Variants in PLB1 observed in about 807,000 individuals in gnomAD.
The protein encoded by PLB1 is phospholipase B1.
Under a neutral mutation model 227.4 loss-of-function variants are expected in PLB1, and 242 were observed. That is an observed-to-expected ratio of 1.06 (90% confidence interval 0.96 to 1.18). The LOEUF (loss-of-function observed/expected upper bound fraction) is 1.18, where lower values mean the gene tolerates loss of function less well. PLB1 is among the 50% of genes most tolerant of loss of function. The pLI, the probability that PLB1 is intolerant of heterozygous loss-of-function variation, is 0.00. For synonymous variants in PLB1, 757 were observed against 682.2 expected (o/e 1.11, Z -1.71); for missense variants, 1,858 against 1,816.3 (o/e 1.02, Z -0.42).
At chr2:28,631,189 C>A (rs889756086) in intron 54 of PLB1, among the ~76,000 whole-genome samples, 1 of 151,976 alleles carries the variant, frequency 6.6e-6, no homozygotes. Context: ...AAGGCTTAGC[C>A]CTGCCCTACT....
intron 14 of PLB1, among the ~76,000 whole-genome samples, chr2:28,548,309 C>T (rs941486079): frequency 2.0e-5 from 3 of 152,156 alleles, no homozygotes; most frequent in African/African-American, 4.8e-5. Flanking sequence ...ATGTAAAAAG[C>T]GATGCATTTG....
chr2:28,525,773 G>T, intron 5 of PLB1, 132 bp from the exon 6 acceptor site: 2 of 1,125,206 alleles, frequency 1.8e-6, no homozygotes, highest in Non-Finnish European at 2.5e-6. Context: ...TATAACCCCT[G>T]GGAGGATAAT....
In PLB1 at chr2:28,524,213, A is replaced by G. The variant is rs557863650; in HGVS notation, c.244-1054A>G. Among the ~76,000 whole-genome samples, 6 of 152,274 alleles carry G rather than the reference A, an allele frequency of 3.9e-5. No homozygotes were observed. The East Asian group carries it at 7.7e-4, about 20-fold the overall frequency. The stretch of plus-strand genomic sequence containing the variant: ...GTAGCTGTCTGCCTGTCACCACCAC[A>G]CCTGGAGATACTGTCTTCTAGGAAT... On this transcript the variant is annotated intron_variant, in intron 4 of 57. Transcript: ENST00000327757.
At chr2:28,515,636 G>T (rs774202278) in intron 1 of PLB1, among the ~76,000 whole-genome samples, 6 of 152,150 alleles carry the variant, frequency 3.9e-5, no homozygotes, top group Non-Finnish European at 7.3e-5. Context: ...TATTTTCAGG[G>T]TCAAAAAGTA....
rs376864151 is a variant in PLB1, at chr2:28,500,144, CA to C, written c.55+3976del. On this transcript the variant is annotated intron_variant, in intron 1 of 57. Coordinates refer to ENST00000327757, the MANE Select transcript of PLB1 (RefSeq NM_153021.5). ...TTATTATTTTGTTCATTTCTTCAGT[CA>C]TTGCTTATTAGATTTATCAGAGACC... is the stretch of plus-strand genomic sequence containing the variant. Among the ~76,000 whole-genome samples the C allele has an allele frequency of 5.5e-3, 831 of 152,288 alleles. 8 individuals carry two copies. Among genetic ancestry groups the C allele is most frequent in the African/African-American group, 0.019 (791 of 41,544 alleles).
chr2:28,525,129 G>T, intron 4 of PLB1, 138 bp from the exon 5 acceptor site: 1 of 716,302 alleles, frequency 1.4e-6, no homozygotes, highest in South Asian at 1.8e-5. Flanking sequence ...GGGATTACAG[G>T]TGTGAGCCAC....
chr2:28,585,604 A>G (rs961995164), intron 25 of PLB1, 157 bp from the exon 26 acceptor site: 2 of 632,364 alleles, frequency 3.2e-6, no homozygotes, highest in East Asian at 5.8e-5. Context: ...TTCGTTTGGT[A>G]TGGTCAGCAG....
At chr2:28,580,667 T>C (rs889996322) in intron 23 of PLB1, among the ~76,000 whole-genome samples, 30 of 151,082 alleles carry the variant, frequency 2.0e-4, no homozygotes, top group African/African-American at 7.3e-4. Context: ...TGAGCTGAGA[T>C]CATGCCACTG....
intron 48 of PLB1, 106 bp downstream of exon 48, chr2:28,620,749 C>T: frequency 1.3e-6 from 2 of 1,551,062 alleles, no homozygotes; most frequent in Non-Finnish European, 8.9e-7. Flanking sequence ...GAAGGGAAGT[C>T]AGCCAGCCCT....
At chr2:28,602,688 A>G (rs1276111959) in intron 38 of PLB1, 133 bp from the exon 39 acceptor site, 14 of 776,570 alleles carry the variant, frequency 1.8e-5, no homozygotes, top group African/African-American at 6.9e-5. Flanking sequence ...GTAGCCCTGT[A>G]TAGACTCCTC....
intron 20 of PLB1, among the ~76,000 whole-genome samples, chr2:28,567,666 G>A (rs1034554145): frequency 2.0e-5 from 3 of 151,884 alleles, no homozygotes; most frequent in African/African-American, 4.8e-5. Context: ...TAGAGACAGG[G>A]TTTCACCATG....
rs760987691 is a variant in PLB1, at chr2:28,532,217, A to G, written c.555+23A>G. On this transcript the variant is annotated intron_variant, in intron 9 of 57. Transcript: ENST00000327757. ...CAGGTAAATGGCAGCCTTGGGGACCAAGGGATTACAGATGCTGGGGTGGAG... is the reference window on the plus strand; with the variant it reads ...CAGGTAAATGGCAGCCTTGGGGACCGAGGGATTACAGATGCTGGGGTGGAG... 1.9e-6 allele frequency: 3 copies of G among 1,578,098 alleles called. No individual in the cohort carries two copies. The Admixed American group carries it at 5.1e-5, about 27-fold the overall frequency.
intron 37 of PLB1, 152 bp from the exon 38 acceptor site, chr2:28,601,746 CA>C (rs757413693): frequency 3.0e-4 from 213 of 700,264 alleles, no homozygotes; most frequent in Non-Finnish European, 5.2e-4. Context: ...GTCAACTGTT[CA>C]TCTCAGATTT....
chr2:28,510,802 G>GTGTGTGTT (rs1259389288), intron 1 of PLB1, among the ~76,000 whole-genome samples: 4 of 150,542 alleles, frequency 2.7e-5, no homozygotes, highest in African/African-American at 9.8e-5. Flanking sequence ...GTGTGTGTGT[G>GTGTGTGTT]TGTTTTGTAG....
At chr2:28,576,833 C>T (rs1170858034) in intron 21 of PLB1, among the ~76,000 whole-genome samples, 1 of 152,138 alleles carries the variant, frequency 6.6e-6, no homozygotes, top group South Asian at 2.1e-4. Context: ...GGAAATCAAG[C>T]CTCAAAAAGG....
intron 44 of PLB1, among the ~76,000 whole-genome samples, chr2:28,616,271 G>A (rs923335474): frequency 6.6e-6 from 1 of 152,118 alleles, no homozygotes; most frequent in Non-Finnish European, 1.5e-5. Context: ...TGAAGTGAGG[G>A]ATAGGCTAAT....
rs191040834 is a variant in PLB1, at chr2:28,565,448, G to C, written c.1280+95G>C. On this transcript the variant is annotated intron_variant, in intron 19 of 57. Coordinates refer to ENST00000327757, the MANE Select transcript of PLB1 (RefSeq NM_153021.5). Reference sequence around the variant, plus strand: ...TAGAAAACAACGCCTTAAGCAGAAGGGTGGGCCATTTTGTTCTTTTCTATG... The same window carrying C: ...TAGAAAACAACGCCTTAAGCAGAAGCGTGGGCCATTTTGTTCTTTTCTATG... 2.5e-4 allele frequency: 285 copies of C among 1,146,002 alleles called. No individual in the cohort carries two copies. The African/African-American group carries it at 3.9e-3, about 16-fold the overall frequency. The allele number at this position is 1,146,002 out of a possible 1,614,324, so 71.0% of individuals were successfully genotyped here.
intron 14 of PLB1, among the ~76,000 whole-genome samples, chr2:28,544,423 C>T (rs897907770): frequency 2.0e-5 from 3 of 152,214 alleles, no homozygotes; most frequent in African/African-American, 4.8e-5. Flanking sequence ...CCTCTCCTGC[C>T]ATCTTTCTCC....
chr2:28,498,921 A>G (rs1666778208), intron 1 of PLB1, among the ~76,000 whole-genome samples: 1 of 152,218 alleles, frequency 6.6e-6, no homozygotes, highest in African/African-American at 2.4e-5. Context: ...TTTGAATTCT[A>G]TGAATCAAGT....
Sources: gnomAD v4.1 joint callset for allele counts (sites outside exome capture counted in the v4.1 genomes callset) on GRCh38, gnomAD v4.1.1 for gene constraint, MANE v1.5 for transcripts, NCBI Gene and HGNC (gene_info 2026-07-23, HGNC 2026-07-21) for gene names.